Variants in KCNMA1 observed in about 807,000 individuals in gnomAD.
KCNMA1 encodes the protein Calcium-activated potassium channel subunit alpha-1.
A neutral mutation model predicts 140.0 loss-of-function variants in KCNMA1; 29 were observed. That is an observed-to-expected ratio of 0.21 (90% confidence interval 0.15 to 0.28). The LOEUF (loss-of-function observed/expected upper bound fraction) is 0.28, where lower values mean the gene tolerates loss of function less well. KCNMA1 is among the 10% of genes least tolerant of loss of function. The probability of loss-of-function intolerance (pLI) is 1.00; values close to 1 mark genes in which losing one functional copy is unlikely to be tolerated. For missense variants in KCNMA1, 880 were observed against 1,602.2 expected (o/e 0.55, Z 7.70); for synonymous variants, 612 against 611.9 (o/e 1.00, Z 0.00).
At chr10:77,222,762 G>C (rs2050093638) in intron 3 of KCNMA1, among the ~76,000 whole-genome samples, 1 of 152,226 alleles carries the variant, frequency 6.6e-6, no homozygotes, top group Non-Finnish European at 1.5e-5. Flanking sequence ...TGGCAAGGTT[G>C]CCTCACTCCC....
intron 14 of KCNMA1, among the ~76,000 whole-genome samples, chr10:77,067,467 A>G (rs2095998750): frequency 6.6e-6 from 1 of 151,882 alleles, no homozygotes; most frequent in East Asian, 1.9e-4. Flanking sequence ...ATTCTTTATA[A>G]TCAACATCTC....
intron 5 of KCNMA1, among the ~76,000 whole-genome samples, chr10:77,131,200 C>A (rs1346698670): frequency 6.6e-6 from 1 of 152,174 alleles, no homozygotes; most frequent in Non-Finnish European, 1.5e-5. Context: ...GCTGTAAGAC[C>A]AGTTACCGAA....
At chr10:77,295,808 A>AAAAAAAAAAAAAAAAAC in intron 2 of KCNMA1, among the ~76,000 whole-genome samples, 1 of 150,512 alleles carries the variant, frequency 6.6e-6, no homozygotes, top group African/African-American at 2.4e-5. Flanking sequence ...AAAAAAAAAA[A>AAAAAAAAAAAAAAAAAC]AAAAAAAAAC....
At chr10:77,576,664 C>T (rs2074231503) in intron 1 of KCNMA1, among the ~76,000 whole-genome samples, 2 of 152,146 alleles carry the variant, frequency 1.3e-5, no homozygotes, top group South Asian at 4.1e-4. Context: ...CCATGGGATT[C>T]TAAAAGGAGT....
chr10:77,054,928 T>C (rs2095493001), intron 14 of KCNMA1, among the ~76,000 whole-genome samples: 1 of 152,050 alleles, frequency 6.6e-6, no homozygotes, highest in Non-Finnish European at 1.5e-5. Flanking sequence ...TTTGCTGAAT[T>C]ATAGTATTCA....
intron 2 of KCNMA1, among the ~76,000 whole-genome samples, chr10:77,303,619 C>G (rs1389603336): frequency 6.6e-6 from 1 of 152,210 alleles, no homozygotes; most frequent in Non-Finnish European, 1.5e-5. Context: ...CCACCTTCCA[C>G]TGTGTACTAC....
intron 5 of KCNMA1, among the ~76,000 whole-genome samples, chr10:77,160,674 C>T (rs2098544827): frequency 6.6e-6 from 1 of 152,194 alleles, no homozygotes. Context: ...TCAGAGATAA[C>T]AATAACATCC....
intron 2 of KCNMA1, among the ~76,000 whole-genome samples, chr10:77,308,976 C>G (rs1172564153): frequency 6.6e-6 from 1 of 152,226 alleles, no homozygotes; most frequent in Non-Finnish European, 1.5e-5. Flanking sequence ...TCCAAAGCAT[C>G]AAGCTTCTCT....
chr10:77,512,248 A>G (rs956401688), intron 1 of KCNMA1, among the ~76,000 whole-genome samples: 38 of 152,182 alleles, frequency 2.5e-4, no homozygotes, highest in African/African-American at 8.7e-4. Flanking sequence ...TGGTCCCACC[A>G]GCCTGACTCC....
chr10:77,583,601 G>A (rs2076437665), intron 1 of KCNMA1, among the ~76,000 whole-genome samples: 2 of 152,238 alleles, frequency 1.3e-5, no homozygotes, highest in Non-Finnish European at 2.9e-5. Flanking sequence ...GAGGGAAACT[G>A]ACTCTTCCTC....
chr10:77,219,120 T>A (rs2048744549), intron 3 of KCNMA1, among the ~76,000 whole-genome samples: 1 of 152,220 alleles, frequency 6.6e-6, no homozygotes, highest in Non-Finnish European at 1.5e-5. Flanking sequence ...TCCCAGAGAA[T>A]CAGCACAGCA....
chr10:77,137,651 C>T (rs898167447), intron 5 of KCNMA1, among the ~76,000 whole-genome samples: 7 of 152,172 alleles, frequency 4.6e-5, no homozygotes, highest in East Asian at 1.9e-4. Context: ...AGGACTGTCT[C>T]GCTTCCTCTC....
intron 16 of KCNMA1, among the ~76,000 whole-genome samples, chr10:77,024,583 T>A (rs1256217149): frequency 6.6e-6 from 1 of 152,168 alleles, no homozygotes; most frequent in East Asian, 1.9e-4. Context: ...TAAATGCCAT[T>A]GATGATGATT....
At chr10:76,958,573 T>C (rs1316573865) in intron 20 of KCNMA1, among the ~76,000 whole-genome samples, 1 of 152,192 alleles carries the variant, frequency 6.6e-6, no homozygotes, top group Non-Finnish European at 1.5e-5. Context: ...TTTAAAGAAG[T>C]AATTAAGTTA....
chr10:77,186,776 AATGT>A (rs1233403936), intron 3 of KCNMA1, among the ~76,000 whole-genome samples: 14 of 90,062 alleles, frequency 1.6e-4, no homozygotes, highest in African/African-American at 6.1e-4. Context: ...CTAAAGAGTA[AATGT>A]GTGTGTGTGT....
intron 3 of KCNMA1, among the ~76,000 whole-genome samples, chr10:77,202,394 C>T (rs41421544): frequency 0.079 from 12,026 of 152,178 alleles, 529 homozygotes; most frequent in African/African-American, 0.11. Flanking sequence ...CTAGAATTAA[C>T]CCACAGTAAT....
intron 1 of KCNMA1, among the ~76,000 whole-genome samples, chr10:77,575,045 T>A (rs1024808637): frequency 2.6e-5 from 4 of 152,118 alleles, no homozygotes; most frequent in Admixed American, 2.6e-4. Flanking sequence ...CAATAAATGA[T>A]GACCAGAACC....
At chr10:76,928,231 C>A (rs1349452790) in intron 23 of KCNMA1, among the ~76,000 whole-genome samples, 1 of 151,268 alleles carries the variant, frequency 6.6e-6, no homozygotes, top group Non-Finnish European at 1.5e-5. Flanking sequence ...TAAATAAGCA[C>A]CAGAATTATT....
intron 1 of KCNMA1, among the ~76,000 whole-genome samples, chr10:77,613,567 T>C (rs2087909958): frequency 6.6e-6 from 1 of 151,930 alleles, no homozygotes; most frequent in Non-Finnish European, 1.5e-5. Flanking sequence ...ACAACACTGG[T>C]GTACACGGAG....
Sources: allele counts gnomAD v4.1 joint callset (sites outside exome capture counted in the v4.1 genomes callset), GRCh38; gene constraint gnomAD v4.1.1; transcripts MANE v1.5; gene names NCBI Gene and HGNC (gene_info 2026-07-23, HGNC 2026-07-21).